Variants in PDE4D observed in about 807,000 individuals in gnomAD.
PDE4D encodes the protein phosphodiesterase 4D, also known as 3',5'-cyclic-AMP phosphodiesterase 4D.
PDE4D carries 24 observed loss-of-function variants against 87.4 expected under a neutral mutation model. The ratio of observed to expected loss-of-function variants is 0.27; its 90% CI spans 0.20 to 0.39. The LOEUF (loss-of-function observed/expected upper bound fraction) is 0.39. PDE4D is among the 10% of genes least tolerant of loss of function. The pLI, the probability that PDE4D is intolerant of heterozygous loss-of-function variation, is 1.00. For missense variants in PDE4D, 714 were observed against 1,041.0 expected (o/e 0.69, Z 4.32); for synonymous variants, 384 against 383.2 (o/e 1.00, Z -0.02).
chr5:60,321,677 A>G (rs1461859963), intron 1 of PDE4D, among the ~76,000 whole-genome samples: 2 of 152,222 alleles, frequency 1.3e-5, no homozygotes, highest in African/African-American at 4.8e-5. Context: ...CAGCATCTAT[A>G]AGGAACTTAT....
chr5:59,813,441 C>A (rs2152681262), intron 1 of PDE4D, among the ~76,000 whole-genome samples: 1 of 114,742 alleles, frequency 8.7e-6, no homozygotes, highest in Non-Finnish European at 1.7e-5. Context: ...CAAGCATACA[C>A]TTGTACACAC....
At chr5:59,603,530 C>T (rs1424760382) in intron 1 of PDE4D, among the ~76,000 whole-genome samples, 2 of 151,886 alleles carry the variant, frequency 1.3e-5, no homozygotes, top group Non-Finnish European at 2.9e-5. Flanking sequence ...AAAGAGAACC[C>T]TTGTACACTG....
intron 5 of PDE4D, among the ~76,000 whole-genome samples, chr5:59,078,636 G>A (rs1320420261): frequency 6.6e-6 from 1 of 151,858 alleles, no homozygotes; most frequent in African/African-American, 2.4e-5. Flanking sequence ...AGCTTCCAGA[G>A]TAGCTGGAAC....
At chr5:59,173,920 T>C (rs1413212396) in intron 5 of PDE4D, among the ~76,000 whole-genome samples, 3 of 152,190 alleles carry the variant, frequency 2.0e-5, no homozygotes, top group Admixed American at 6.5e-5. Context: ...TAGATCTCTC[T>C]ATATTTCTTT....
At chr5:59,847,002 A>G (rs1194665839) in intron 1 of PDE4D, among the ~76,000 whole-genome samples, 3 of 152,038 alleles carry the variant, frequency 2.0e-5, no homozygotes, top group African/African-American at 7.2e-5. Context: ...ATAATTCTCC[A>G]TAAAATTTGA....
At chr5:60,255,430 C>T (rs1470883307) in intron 1 of PDE4D, among the ~76,000 whole-genome samples, 1 of 151,854 alleles carries the variant, frequency 6.6e-6, no homozygotes, top group Non-Finnish European at 1.5e-5. Context: ...GTCACAGTAA[C>T]TATTCATGAC....
chr5:59,800,147 T>C (rs887230498), intron 1 of PDE4D, among the ~76,000 whole-genome samples: 3 of 152,164 alleles, frequency 2.0e-5, no homozygotes, highest in Admixed American at 6.5e-5. Context: ...ACAGAGTTTT[T>C]ATCGTGTGCC....
At chr5:59,715,557 CAAAGAGGTGACACA>C (rs547225257) in intron 1 of PDE4D, among the ~76,000 whole-genome samples, 5,657 of 152,226 alleles carry the variant, frequency 0.037, 177 homozygotes, top group South Asian at 0.065. Context: ...TGGTGATCAC[CAAAGAGGTGACACA>C]TATGATAATC....
rs1583199565 is a variant in PDE4D, at chr5:59,578,356, T to C, written c.455+314812A>G. On this transcript the variant is annotated intron_variant, in intron 1 of 14. Transcript: ENST00000340635. ...CAACAACAACAATTAAGATCAACTC[T>C]GTATTCTTTGGAATCCCAAGAAACA... 1.3e-5 allele frequency among the ~76,000 whole-genome samples: 2 copies of C among 152,284 alleles called. 1 individual carries two copies.
intron 5 of PDE4D, among the ~76,000 whole-genome samples, chr5:59,058,159 C>T (rs1208204786): frequency 1.3e-5 from 2 of 152,144 alleles, no homozygotes; most frequent in Non-Finnish European, 2.9e-5. Flanking sequence ...AAGCATGAAA[C>T]ACTTCCCCTG....
intron 2 of PDE4D, among the ~76,000 whole-genome samples, chr5:60,152,786 G>C (rs999450749): frequency 3.9e-5 from 6 of 151,962 alleles, no homozygotes; most frequent in African/African-American, 1.5e-4. Flanking sequence ...ATTTCTTCCT[G>C]ATTCAATCTT....
intron 1 of PDE4D, among the ~76,000 whole-genome samples, chr5:60,424,525 A>C (rs536150226): frequency 1.3e-5 from 2 of 152,340 alleles, no homozygotes; most frequent in South Asian, 4.1e-4. Context: ...TAATGATGGA[A>C]TGTATCTCCA....
At chr5:59,200,062 TACAC>T in intron 2 of PDE4D, among the ~76,000 whole-genome samples, 1 of 82,092 alleles carries the variant, frequency 1.2e-5, no homozygotes, top group African/African-American at 4.1e-5. Flanking sequence ...CACATGCATG[TACAC>T]ACACGTATGC....
intron 2 of PDE4D, among the ~76,000 whole-genome samples, chr5:59,998,558 T>C (rs904016038): frequency 6.6e-6 from 1 of 152,170 alleles, no homozygotes; most frequent in Admixed American, 6.5e-5. Context: ...ATACAACTTT[T>C]CCAAGACTTA....
intron 1 of PDE4D, among the ~76,000 whole-genome samples, chr5:59,524,547 A>C (rs1356505044): frequency 6.6e-6 from 1 of 152,218 alleles, no homozygotes; most frequent in Non-Finnish European, 1.5e-5. Context: ...ATGTAATAGC[A>C]AAGAAAAACC....
chr5:60,210,458 T>C (rs1743062689), intron 1 of PDE4D, among the ~76,000 whole-genome samples: 1 of 152,098 alleles, frequency 6.6e-6, no homozygotes, highest in African/African-American at 2.4e-5. Context: ...AATCAATACA[T>C]AGATGCATTC....
intron 2 of PDE4D, among the ~76,000 whole-genome samples, chr5:60,001,878 C>CA (rs1764050609): frequency 3.4e-5 from 1 of 29,178 alleles, no homozygotes; most frequent in Admixed American, 4.0e-4. Flanking sequence ...ATAGTAATTA[C>CA]AAAGGAAAAA....
At chr5:60,197,069 ATAG>A (rs1741321152) in intron 1 of PDE4D, among the ~76,000 whole-genome samples, 4 of 111,940 alleles carry the variant, frequency 3.6e-5, no homozygotes, top group African/African-American at 1.4e-4. Context: ...AGATAGATAG[ATAG>A]ACAGTTAGAT....
intron 5 of PDE4D, among the ~76,000 whole-genome samples, chr5:59,148,854 C>T (rs532039127): frequency 6.6e-6 from 1 of 151,420 alleles, no homozygotes; most frequent in Admixed American, 6.6e-5. Flanking sequence ...AGAAAAAAGT[C>T]TTTCCACTAC....
Sources: allele counts gnomAD v4.1 joint callset (sites outside exome capture counted in the v4.1 genomes callset), GRCh38; gene constraint gnomAD v4.1.1; transcripts MANE v1.5; gene names NCBI Gene and HGNC (gene_info 2026-07-23, HGNC 2026-07-21).